The following ATP9A variants were observed in gnomAD, a reference collection of about 807,000 sequenced individuals.
The protein encoded by ATP9A is ATPase phospholipid transporting 9A.
A neutral mutation model predicts 144.1 loss-of-function variants in ATP9A; 52 were observed. That is an observed-to-expected ratio of 0.36 (90% CI 0.29 to 0.45). The LOEUF is 0.45. Ranked by LOEUF, ATP9A falls within the 20% of genes least tolerant of loss-of-function variation. ATP9A has a pLI of 1.00. For missense variants in ATP9A, 947 were observed against 1,392.7 expected (o/e 0.68, Z 5.09); for synonymous variants, 582 against 557.4 (o/e 1.04, Z -0.62).
At chr20:51,683,662 T>C (rs2077510164) in intron 9 of ATP9A, among the ~76,000 whole-genome samples, 1 of 152,106 alleles carries the variant, frequency 6.6e-6, no homozygotes, top group Non-Finnish European at 1.5e-5. Flanking sequence ...GCAATCCTCC[T>C]GCCTTGGTCT....
chr20:51,597,931 G>A lies in ATP9A; in HGVS notation c.*3280C>T, dbSNP rs958707068. On this transcript the variant is annotated 3_prime_UTR_variant, in exon 28 of 28. Coordinates refer to ENST00000338821, the MANE Select transcript of ATP9A (RefSeq NM_006045.3). ...ACTTCAGGGGAGTGGAACTGGGATG[G>A]GAATTTTACAATGCTAGTTCCAGCA... 6.6e-6 allele frequency: 1 copy of A among 152,060 alleles called. No individual in the cohort carries two copies. Among genetic ancestry groups the A allele is most frequent in the African/African-American group, 2.4e-5 (1 of 41,388 alleles). 9.4% of individuals were successfully genotyped at this position (152,060 alleles called of 1,614,324 possible). A position where few individuals can be genotyped will look rare whatever the true frequency, so the allele number is the denominator to read the frequency against.
chr20:51,651,430 T>C (rs1276249789), intron 14 of ATP9A, among the ~76,000 whole-genome samples: 1 of 146,062 alleles, frequency 6.8e-6, no homozygotes, highest in Non-Finnish European at 1.5e-5. Context: ...ATATCATATA[T>C]TATATAAATA....
chr20:51,692,678 T>G (rs1238789440), intron 7 of ATP9A, among the ~76,000 whole-genome samples: 1 of 152,134 alleles, frequency 6.6e-6, no homozygotes, highest in Non-Finnish European at 1.5e-5. Context: ...GGCGGGTGCC[T>G]GTAATCCCAG....
intron 7 of ATP9A, among the ~76,000 whole-genome samples, chr20:51,692,519 C>A (rs1401399402): frequency 6.6e-6 from 1 of 152,036 alleles, no homozygotes; most frequent in Non-Finnish European, 1.5e-5. Context: ...CCTGGAGAGC[C>A]CCTGGGAGGT....
intron 5 of ATP9A, 85 bp downstream of exon 5, chr20:51,697,339 C>T (rs2077574782): frequency 1.5e-6 from 2 of 1,354,298 alleles, no homozygotes; most frequent in Non-Finnish European, 2.0e-6. Flanking sequence ...CAAAATTCAA[C>T]ATTCACTTCG....
At chr20:51,654,722 T>G (rs1009137369) in intron 14 of ATP9A, among the ~76,000 whole-genome samples, 3 of 152,050 alleles carry the variant, frequency 2.0e-5, no homozygotes, top group African/African-American at 7.2e-5. Flanking sequence ...CTGGGCAACA[T>G]AGCAAGACCC....
At chr20:51,650,874 C>T (rs1390293644) in intron 14 of ATP9A, among the ~76,000 whole-genome samples, 1 of 150,094 alleles carries the variant, frequency 6.7e-6, no homozygotes, top group East Asian at 2.0e-4. Flanking sequence ...CACATACTAA[C>T]ATGGCACACA....
chr20:51,737,371 C>A (rs2077767138), intron 1 of ATP9A, among the ~76,000 whole-genome samples: 1 of 152,214 alleles, frequency 6.6e-6, no homozygotes, highest in African/African-American at 2.4e-5. Context: ...CAACATCACC[C>A]TTGAATACCT....
rs761247874 is a variant in ATP9A, at chr20:51,625,240, C to T, written c.1968G>A (p.Gln656=). The part of the protein sequence containing the change: ...LCLTGVEDQL[Q]ADVRPTLETL... ...TCTCCAGCGTGGGCCGCACATCTGCCTGCAGCTGGTCCTCCACGCCCGTCA... is the reference window on the plus strand; with the variant it reads ...TCTCCAGCGTGGGCCGCACATCTGCTTGCAGCTGGTCCTCCACGCCCGTCA... Residue 656 remains glutamine (Q), a synonymous_variant, in exon 18 of 28, where the codon CAG becomes CAA. Coordinates refer to ENST00000338821, the MANE Select transcript of ATP9A (RefSeq NM_006045.3). 6.2e-7 allele frequency: 1 copy of T among 1,614,116 alleles called. No homozygotes were observed. Among genetic ancestry groups the T allele is most frequent in the East Asian group, 2.2e-5 (1 of 44,874 alleles).
Position 51,725,897 on chromosome 20 carries a change from G to C in ATP9A, c.249C>G (p.Leu83=), listed in dbSNP as rs1479959610. ...GAGAGCAGGCAAGAAGTAAGAAATA[G>C]AGGTTGAAAAAGTATTTGAACTGGT... The part of the protein sequence containing the change: ...LFNQFKYFFN[L]YFLLLACSQF... The change falls in exon 3 of 28, where the codon CTC becomes CTG. Residue 83 remains leucine (L), a synonymous_variant. Coordinates refer to ENST00000338821, the MANE Select transcript of ATP9A (RefSeq NM_006045.3). 5 of 1,613,696 alleles carry C rather than the reference G, an allele frequency of 3.1e-6. No homozygotes were observed. The highest frequency in any genetic ancestry group is 1.3e-5 in the African/African-American group (1 of 74,940).
chr20:51,686,172 C>T (rs908362264), intron 9 of ATP9A, among the ~76,000 whole-genome samples: 2 of 151,994 alleles, frequency 1.3e-5, no homozygotes, highest in Non-Finnish European at 2.9e-5. Flanking sequence ...ACAGTAAGAA[C>T]ACTTGGACAC....
At chr20:51,712,516 T>A (rs2077644062) in intron 4 of ATP9A, among the ~76,000 whole-genome samples, 1 of 152,238 alleles carries the variant, frequency 6.6e-6, no homozygotes, top group South Asian at 2.1e-4. Context: ...TCTTCATGGA[T>A]GCAGTTATTT....
chr20:51,628,940 T>C (rs769808099), intron 16 of ATP9A, 40 bp downstream of exon 16: 2 of 1,556,874 alleles, frequency 1.3e-6, no homozygotes, highest in Non-Finnish European at 1.8e-6. Flanking sequence ...CTGCAGAACA[T>C]GCTTCCAAGG....
intron 14 of ATP9A, among the ~76,000 whole-genome samples, chr20:51,650,678 G>C (rs1601081819): frequency 6.6e-6 from 1 of 152,154 alleles, no homozygotes; most frequent in South Asian, 2.1e-4. Flanking sequence ...TGGGAGAATG[G>C]AAGTCAGGGA....
chr20:51,666,221 T>C (rs1244385602), intron 13 of ATP9A, among the ~76,000 whole-genome samples: 1 of 151,842 alleles, frequency 6.6e-6, no homozygotes, highest in Non-Finnish European at 1.5e-5. Context: ...TAGATACCCA[T>C]GCTCTGAACA....
intron 5 of ATP9A, among the ~76,000 whole-genome samples, chr20:51,697,178 T>C (rs1475315227): frequency 6.6e-6 from 1 of 152,206 alleles, no homozygotes; most frequent in African/African-American, 2.4e-5. Context: ...AAACTTGTAC[T>C]TGTGTTTGTA....
At chr20:51,730,973 A>G (rs1429502833) in intron 1 of ATP9A, among the ~76,000 whole-genome samples, 1 of 152,158 alleles carries the variant, frequency 6.6e-6, no homozygotes, top group African/African-American at 2.4e-5. Context: ...GATTGACACC[A>G]GCCTGGGCAA....
chr20:51,661,067 G>A (rs1230525141), intron 13 of ATP9A, among the ~76,000 whole-genome samples: 1 of 152,122 alleles, frequency 6.6e-6, no homozygotes, highest in East Asian at 1.9e-4. Context: ...CCCTGACTTG[G>A]GCCCCTGGGC....
chr20:51,624,020 G>A (rs2077237625), intron 18 of ATP9A, among the ~76,000 whole-genome samples: 1 of 152,154 alleles, frequency 6.6e-6, no homozygotes, highest in Admixed American at 6.5e-5. Flanking sequence ...AAAGATGGAA[G>A]CAGAAAATGG....
Sources: allele counts gnomAD v4.1 joint callset (sites outside exome capture counted in the v4.1 genomes callset), GRCh38; gene constraint gnomAD v4.1.1; transcripts MANE v1.5; gene names NCBI Gene and HGNC (gene_info 2026-07-23, HGNC 2026-07-21).